Variants in PRPF18 observed in about 807,000 individuals in gnomAD.
PRPF18 encodes pre-mRNA processing factor 18, also known as pre-mRNA-splicing factor 18.
A neutral mutation model predicts 46.5 loss-of-function variants in PRPF18; 38 were observed. That is an observed-to-expected ratio of 0.82 (90% CI 0.63 to 1.07). PRPF18 has a LOEUF of 1.07. Among genes scored for constraint, PRPF18 ranks in the 50% least tolerant of loss-of-function variants. The probability of loss-of-function intolerance (pLI) is 0.00; values close to 1 mark genes in which losing one functional copy is unlikely to be tolerated. For synonymous variants in PRPF18, 152 were observed against 146.7 expected (o/e 1.04, Z -0.26); for missense variants, 263 against 410.0 (o/e 0.64, Z 3.10).
intron 9 of PRPF18, among the ~76,000 whole-genome samples, chr10:13,624,238 A>G (rs1386766950): frequency 6.6e-6 from 1 of 152,242 alleles, no homozygotes; most frequent in African/African-American, 2.4e-5. Context: ...TTGGCCTCCC[A>G]GAGTGCTGGG....
intron 9 of PRPF18, among the ~76,000 whole-genome samples, chr10:13,622,178 G>A (rs1013573457): frequency 6.6e-6 from 1 of 152,028 alleles, no homozygotes; most frequent in African/African-American, 2.4e-5. Context: ...CTAAAGGCAA[G>A]TTGTTGCATG....
intron 1 of PRPF18, among the ~76,000 whole-genome samples, chr10:13,588,168 A>C (rs181825034): frequency 6.6e-6 from 1 of 152,162 alleles, no homozygotes; most frequent in East Asian, 1.9e-4. Context: ...TGTAATCCCC[A>C]CACTTTGGTG....
the PRPF18 span, chr10:13,654,532 G>A: frequency 6.7e-7 from 1 of 1,494,852 alleles, no homozygotes; most frequent in Non-Finnish European, 9.3e-7. Context: ...GGTGGTGCAA[G>A]AAAGGCAGAG....
At chr10:13,615,959 T>C (rs1024939080) in intron 8 of PRPF18, among the ~76,000 whole-genome samples, 7 of 151,344 alleles carry the variant, frequency 4.6e-5, no homozygotes, top group Non-Finnish European at 1.5e-5. Flanking sequence ...GTGTAGGGAG[T>C]GGATATTGTT....
Position 13,605,977 on chromosome 10 carries a change from C to T in PRPF18, c.363+233C>T, listed in dbSNP as rs747382226. Among the ~76,000 whole-genome samples, 130 of 152,016 alleles carry T rather than the reference C, an allele frequency of 8.6e-4. 1 individual carries two copies. The highest frequency in any genetic ancestry group is 1.3e-3 in the Non-Finnish European group (89 of 67,986). Reference sequence around the variant, plus strand: ...CCATTGCCCTTATAAAGAAATAGAACATTTTCGTCACCAAAGAAATTTCCC... The same window carrying T: ...CCATTGCCCTTATAAAGAAATAGAATATTTTCGTCACCAAAGAAATTTCCC... On this transcript the variant is annotated intron_variant, in intron 4 of 9. Transcript: ENST00000378572.
chr10:13,654,268 G>C, the PRPF18 span: 1 of 675,572 alleles, frequency 1.5e-6, no homozygotes, highest in Non-Finnish European at 2.7e-6. Flanking sequence ...GGTGACAGCA[G>C]ATCATGGGGC....
the PRPF18 span, chr10:13,654,707 C>T: frequency 3.4e-6 from 2 of 582,984 alleles, no homozygotes; most frequent in Non-Finnish European, 6.1e-6. Context: ...TACATGCCCC[C>T]CCAACCTCTG....
chr10:13,613,555 G>A (rs1203425638), intron 6 of PRPF18, among the ~76,000 whole-genome samples, 186 bp from the exon 7 acceptor site: 1 of 152,172 alleles, frequency 6.6e-6, no homozygotes, highest in Non-Finnish European at 1.5e-5. Flanking sequence ...CTTGCCAAAG[G>A]TACTACTTCA....
rs903807056 is a variant in PRPF18 at position 13,587,003 on chromosome 10, T to A, written c.-84T>A. The A allele has an allele frequency of 1.5e-6, 2 of 1,379,242 alleles. No homozygotes were observed. Among genetic ancestry groups the A allele is most frequent in the East Asian group, 2.3e-5 (1 of 43,694 alleles). 85.4% of individuals were successfully genotyped at this position (1,379,242 alleles called of 1,614,324 possible). On this transcript the variant is annotated 5_prime_UTR_variant, in exon 1 of 10. Transcript: ENST00000378572. Reference sequence around the variant, plus strand: ...TGTTTGGGCTTGTTGTTCCGTATACTCAGTGGGTTCGCGGCCGCCGGCCCA... The same window carrying A: ...TGTTTGGGCTTGTTGTTCCGTATACACAGTGGGTTCGCGGCCGCCGGCCCA...
intron 1 of PRPF18, chr10:13,591,697 G>C: frequency 1.3e-6 from 1 of 742,942 alleles, no homozygotes; most frequent in South Asian, 1.6e-5. Flanking sequence ...GGGATGTTTT[G>C]GGATTTTTAC....
intron 9 of PRPF18, among the ~76,000 whole-genome samples, chr10:13,623,114 TG>T (rs1167430628): frequency 2.0e-5 from 3 of 151,782 alleles, no homozygotes; most frequent in Non-Finnish European, 2.9e-5. Context: ...GGCAGGAGAA[TG>T]GCATGAACCC....
the PRPF18 span, chr10:13,646,948 G>A: frequency 5.1e-6 from 5 of 978,418 alleles, no homozygotes; most frequent in Middle Eastern, 5.2e-4. Context: ...CGAGGGTCCC[G>A]GGCTTGGCTT....
At chr10:13,596,906 A>G (rs192370458) in intron 1 of PRPF18, among the ~76,000 whole-genome samples, 1 of 152,150 alleles carries the variant, frequency 6.6e-6, no homozygotes, top group Non-Finnish European at 1.5e-5. Flanking sequence ...TCCTTAAATC[A>G]TTTTTTAAAT....
In PRPF18 at chr10:13,600,238, A is replaced by G. The variant is rs1484647521; in HGVS notation, c.145-6A>G. 1 of 1,590,642 alleles carries G rather than the reference A, an allele frequency of 6.3e-7. No individual in the cohort carries two copies. The highest frequency in any genetic ancestry group is 1.7e-5 in the Admixed American group (1 of 57,474). On this transcript the variant is annotated splice_polypyrimidine_tract_variant and splice_region_variant and intron_variant, in intron 2 of 9. Coordinates refer to ENST00000378572, the MANE Select transcript of PRPF18 (RefSeq NM_003675.4). ...TGAATTTCATTTCTTTTGGCTATTA[A>G]TATAGATACAGCCAAAAGAGGAGGA...
At chr10:13,601,921 C>T (rs1589123082) in intron 3 of PRPF18, among the ~76,000 whole-genome samples, 1 of 152,264 alleles carries the variant, frequency 6.6e-6, no homozygotes, top group South Asian at 2.1e-4. Context: ...GTTGTTTGCC[C>T]TTACATGCAG....
At chr10:13,634,455 C>T (rs903038456), downstream of PRPF18, among the ~76,000 whole-genome samples, 26 of 152,236 alleles carry the variant, frequency 1.7e-4, no homozygotes, top group African/African-American at 6.0e-4. Flanking sequence ...AGAGTCACTC[C>T]TGCAATCCGC....
the PRPF18 span, chr10:13,653,153 G>GTGTT: frequency 1.3e-5 from 2 of 152,076 alleles, no homozygotes; most frequent in African/African-American, 4.8e-5. Flanking sequence ...CACTCAGTAA[G>GTGTT]TGTTAGGACC....
the PRPF18 span, chr10:13,644,247 A>G: frequency 5.3e-5 from 8 of 152,256 alleles, no homozygotes; most frequent in African/African-American, 1.9e-4. Context: ...GAAGAATCCA[A>G]TAGGGGCTTT....
chr10:13,620,756 T>C (rs2080410497), intron 9 of PRPF18, among the ~76,000 whole-genome samples: 1 of 152,254 alleles, frequency 6.6e-6, no homozygotes, highest in Admixed American at 6.5e-5. Context: ...TAGACAATAA[T>C]TCAAGGGGCA....
Sources: allele counts gnomAD v4.1 joint callset (sites outside exome capture counted in the v4.1 genomes callset), GRCh38; gene constraint gnomAD v4.1.1; transcripts MANE v1.5; gene names NCBI Gene and HGNC (gene_info 2026-07-23, HGNC 2026-07-21).